The following DOP1B variants were observed in gnomAD, a reference collection of about 807,000 sequenced individuals.
DOP1B encodes the protein protein DOP1B.
A neutral mutation model predicts 233.5 loss-of-function variants in DOP1B; 174 were observed. The observed-to-expected ratio is 0.75, with a 90% CI of 0.66 to 0.85. The LOEUF (loss-of-function observed/expected upper bound fraction) is 0.85, where lower values mean the gene tolerates loss of function less well. Among genes scored for constraint, DOP1B ranks in the 40% least tolerant of loss-of-function variants. DOP1B has a pLI of 0.00. For synonymous variants in DOP1B, 1,190 were observed against 1,185.6 expected (o/e 1.00, Z -0.08); for missense variants, 2,652 against 2,846.6 (o/e 0.93, Z 1.56).
chr21:36,231,679 G>GTT (rs1224600446), intron 14 of DOP1B, among the ~76,000 whole-genome samples: 74 of 131,912 alleles, frequency 5.6e-4, no homozygotes, highest in Admixed American at 1.1e-3. Context: ...GGGTTTTTTT[G>GTT]TTTTTTTTTT....
chr21:36,240,526 A>G (rs969392307), intron 18 of DOP1B, among the ~76,000 whole-genome samples: 6 of 152,194 alleles, frequency 3.9e-5, no homozygotes, highest in Admixed American at 6.5e-5. Context: ...GTGAACCTTC[A>G]ACTACAAGGT....
At chr21:36,286,639 AACACACAC>A (rs3029064) in intron 32 of DOP1B, among the ~76,000 whole-genome samples, 43,475 of 146,360 alleles carry the variant, frequency 0.3, 6,732 homozygotes, top group African/African-American at 0.38. Flanking sequence ...CCATCTCAAA[AACACACAC>A]ACACACACAC....
At chr21:36,237,212 G>A (rs750839329) in intron 15 of DOP1B, 50 bp from the exon 16 acceptor site, 2 of 1,612,334 alleles carry the variant, frequency 1.2e-6, no homozygotes, top group Admixed American at 3.3e-5. Flanking sequence ...GTGAGCGGAT[G>A]TTGCCTGTGT....
In DOP1B at chr21:36,245,299, A is replaced by G; in HGVS notation, c.3319A>G (p.Ser1107Gly). The G allele has an allele frequency of 6.2e-7, 1 of 1,614,104 alleles. No homozygotes were observed. Among genetic ancestry groups the G allele is most frequent in the Non-Finnish European group, 8.5e-7 (1 of 1,180,030 alleles). The change falls in exon 19 of 37, where the codon AGC (serine) becomes GGC (glycine). Residue 1107 changes from serine (S) to glycine (G), a missense_variant. Coordinates refer to ENST00000691173, the MANE Select transcript of DOP1B (RefSeq NM_001320714.2). This position sits in a 1 kb window ranked among gnomAD's most constrained non-coding sequence, Gnocchi z 5.5. ...DRTAHGAPDS[S>G]EHTESADTSS... ...GACGGCCCACGGCGCCCCGGACAGC[A>G]GCGAGCACACCGAGTCTGCAGATAC... is the stretch of plus-strand genomic sequence containing the variant.
At chr21:36,249,456 C>T (rs1161289903) in intron 21 of DOP1B, among the ~76,000 whole-genome samples, 1 of 152,108 alleles carries the variant, frequency 6.6e-6, no homozygotes, top group Non-Finnish European at 1.5e-5. Flanking sequence ...TGGTTCAAAG[C>T]GGGGATACCT....
chr21:36,277,349 C>T (rs62232382), intron 28 of DOP1B, among the ~76,000 whole-genome samples: 59,585 of 151,780 alleles, frequency 0.39, 11,728 homozygotes, highest in Middle Eastern at 0.5. Flanking sequence ...GTGGCGCGAT[C>T]TCAGCTCACT....
chr21:36,184,004 C>T (rs2066133928), intron 2 of DOP1B, among the ~76,000 whole-genome samples: 1 of 151,988 alleles, frequency 6.6e-6, no homozygotes, highest in African/African-American at 2.4e-5. Flanking sequence ...GCTGGGACTA[C>T]AGGTGCGTGC....
intron 4 of DOP1B, among the ~76,000 whole-genome samples, chr21:36,205,502 C>T (rs552110383): frequency 6.6e-6 from 1 of 152,162 alleles, no homozygotes; most frequent in East Asian, 1.9e-4. Context: ...AATTCTCCTG[C>T]CTCAGCCTCA....
chr21:36,218,083 G>A (rs1247159021), intron 9 of DOP1B, among the ~76,000 whole-genome samples: 1 of 152,192 alleles, frequency 6.6e-6, no homozygotes, highest in Non-Finnish European at 1.5e-5. Flanking sequence ...TGATTATACA[G>A]AACTAGAAGG....
At chr21:36,231,839 A>G (rs1221670123) in intron 14 of DOP1B, among the ~76,000 whole-genome samples, 12 of 137,336 alleles carry the variant, frequency 8.7e-5, no homozygotes, top group African/African-American at 3.3e-4. Context: ...CACTACGCCC[A>G]GCTAATTTTT....
At chr21:36,169,699 G>A in intron 2 of DOP1B, 4 of 913,404 alleles carry the variant, frequency 4.4e-6, no homozygotes, top group South Asian at 1.3e-5. Context: ...GGGCAGCGAG[G>A]CGGGTGACTT....
Position 36,200,497 on chromosome 21 carries a change from G to C in DOP1B, c.487G>C (p.Asp163His), listed in dbSNP as rs781367855. Residue 163 changes from aspartate to histidine, a missense_variant, in exon 4 of 37, where the codon GAC becomes CAC. Asp to His is a moderately conservative substitution (Grantham distance 81). This residue lies in a region of DOP1B where 2,617 missense variants were observed against 2,794.3 expected (regional missense o/e 0.94). Transcript: ENST00000691173. ...CCTTGAAGAGGGCTCCGAGATCTCC[G>C]ACAGGTGCGTGGGCGTCTTGTCCAG... ...PGLEEGSEIS[D>H]RTDALLLRLS... 6.2e-7 allele frequency: 1 copy of C among 1,605,346 alleles called. No individual in the cohort carries two copies. The highest frequency in any genetic ancestry group is 1.1e-5 in the South Asian group (1 of 90,192).
chr21:36,277,715 C>T (rs1337206953), intron 28 of DOP1B, among the ~76,000 whole-genome samples: 2 of 151,210 alleles, frequency 1.3e-5, no homozygotes, highest in Non-Finnish European at 2.9e-5. Flanking sequence ...AGTGCAGTGG[C>T]GTGATCTCGG....
intron 12 of DOP1B, among the ~76,000 whole-genome samples, chr21:36,227,174 C>T (rs558739600): frequency 6.6e-6 from 1 of 150,668 alleles, no homozygotes; most frequent in African/African-American, 2.4e-5. Flanking sequence ...CACCACTGCA[C>T]TCCAGCCTGG....
intron 2 of DOP1B, among the ~76,000 whole-genome samples, chr21:36,190,633 A>G (rs958159502): frequency 7.2e-5 from 11 of 152,170 alleles, no homozygotes; most frequent in Non-Finnish European, 1.5e-4. Flanking sequence ...CCTGACCTCA[A>G]GCGATCTACC....
chr21:36,170,620 T>TAA (rs2065963823), intron 2 of DOP1B: 1 of 148,740 alleles, frequency 6.7e-6, no homozygotes, highest in African/African-American at 2.5e-5. Flanking sequence ...TATATATATA[T>TAA]AAAATTATTA....
At chr21:36,255,306 A>ATT (rs982078293) in intron 23 of DOP1B, among the ~76,000 whole-genome samples, 1 of 141,498 alleles carries the variant, frequency 7.1e-6, no homozygotes, top group African/African-American at 2.6e-5. Context: ...TAATTTTTGT[A>ATT]TTTTTTTTTT....
chr21:36,164,352 A>G (rs1334328329), intron 1 of DOP1B, among the ~76,000 whole-genome samples: 2 of 152,338 alleles, frequency 1.3e-5, no homozygotes, highest in African/African-American at 2.4e-5. Flanking sequence ...TAGAAATGCC[A>G]TATGATGGGA....
At chr21:36,238,963 C>T (rs1040023737) in intron 17 of DOP1B, among the ~76,000 whole-genome samples, 1 of 151,978 alleles carries the variant, frequency 6.6e-6, no homozygotes, top group African/African-American at 2.4e-5. Context: ...ATTAGCTGGG[C>T]GTGGTGGTGG....
Sources: allele counts gnomAD v4.1 joint callset (sites outside exome capture counted in the v4.1 genomes callset), GRCh38; gene constraint gnomAD v4.1.1; regional missense constraint gnomAD v4.1.1; non-coding constraint Gnocchi (gnomAD v3.1); transcripts MANE v1.5; gene names NCBI Gene and HGNC (gene_info 2026-07-23, HGNC 2026-07-21).